Variants in COL21A1 observed in about 807,000 individuals in gnomAD.
COL21A1 encodes collagen alpha-1(XXI) chain.
COL21A1 carries 149 observed loss-of-function variants against 137.9 expected under a neutral mutation model. The ratio of observed to expected loss-of-function variants is 1.08; its 90% CI spans 0.95 to 1.24. The LOEUF (loss-of-function observed/expected upper bound fraction) is 1.24. Among genes scored for constraint, COL21A1 ranks in the 50% most tolerant of loss-of-function variants. The pLI, the probability that COL21A1 is intolerant of heterozygous loss-of-function variation, is 0.00. For missense variants in COL21A1, 1,167 were observed against 1,158.4 expected (o/e 1.01, Z -0.11); for synonymous variants, 456 against 391.5 (o/e 1.16, Z -1.95).
chr6:56,340,622 CAG>C (rs57923235), intron 1 of COL21A1, among the ~76,000 whole-genome samples: 100,346 of 151,762 alleles, frequency 0.66, 33,386 homozygotes, highest in South Asian at 0.81. Flanking sequence ...CCTTTAAATT[CAG>C]AGATTCTCTG....
chr6:56,193,307 T>C (rs550619447), intron 1 of COL21A1, among the ~76,000 whole-genome samples: 1 of 151,886 alleles, frequency 6.6e-6, no homozygotes, highest in Non-Finnish European at 1.5e-5. Context: ...ACTTAAAGTA[T>C]AATAAAAAAT....
At chr6:56,234,204 G>C (rs1478857811) in intron 1 of COL21A1, among the ~76,000 whole-genome samples, 1 of 151,720 alleles carries the variant, frequency 6.6e-6, no homozygotes, top group Non-Finnish European at 1.5e-5. Flanking sequence ...ATTTGAAATT[G>C]TGTTTTTTAA....
rs1189286085 is a variant in COL21A1, at chr6:56,180,181, AGG to A, written c.89-54_89-53del. The A allele has an allele frequency of 4.3e-6, 6 of 1,401,182 alleles. No individual in the cohort carries two copies. The African/African-American group carries it at 8.7e-5, about 20-fold the overall frequency. The allele number at this position is 1,401,182 out of a possible 1,614,324, so 86.8% of individuals were successfully genotyped here. A position where few individuals can be genotyped will look rare whatever the true frequency, so the allele number is the denominator to read the frequency against. ...CACATCTTTTATATAAAAAGCAAAA[AGG>A]GAGAGATTTTAAATATATGAGTTTC... On this transcript the variant is annotated intron_variant, in intron 2 of 29. Coordinates refer to ENST00000244728, the MANE Select transcript of COL21A1 (RefSeq NM_030820.4).
chr6:56,277,010 T>TGGGTTTTC (rs1763680173), intron 1 of COL21A1, among the ~76,000 whole-genome samples: 1 of 151,870 alleles, frequency 6.6e-6, no homozygotes, highest in Non-Finnish European at 1.5e-5. Flanking sequence ...TTAGTAGAGA[T>TGGGTTTTC]GGGTTTTCAC....
At chr6:56,119,831 G>A (rs556372534) in intron 16 of COL21A1, among the ~76,000 whole-genome samples, 1 of 152,118 alleles carries the variant, frequency 6.6e-6, no homozygotes, top group East Asian at 1.9e-4. Context: ...TCAAGAAATG[G>A]TGCTAGGAAC....
intron 1 of COL21A1, among the ~76,000 whole-genome samples, chr6:56,231,782 C>A (rs1017060533): frequency 1.3e-5 from 2 of 151,626 alleles, no homozygotes; most frequent in Non-Finnish European, 2.9e-5. Flanking sequence ...ATCGCTAGTT[C>A]TATTACTTTT....
chr6:56,277,023 T>C lies in COL21A1; in HGVS notation c.-38-94367A>G, dbSNP rs569006732. 3.3e-5 allele frequency among the ~76,000 whole-genome samples: 5 copies of C among 152,026 alleles called. No homozygotes were observed. In the South Asian group the frequency reaches 8.3e-4, roughly 25 times the overall value. ...TTTTAGTAGAGATGGGTTTTCACAGTGTTAGCCAGGATGGTCTCAATCTCC... is the reference window on the plus strand; with the variant it reads ...TTTTAGTAGAGATGGGTTTTCACAGCGTTAGCCAGGATGGTCTCAATCTCC... On this transcript the variant is annotated intron_variant, in intron 1 of 28. Coordinates refer to the COL21A1 transcript ENST00000370819.
intron 1 of COL21A1, among the ~76,000 whole-genome samples, chr6:56,316,927 T>C (rs1424459614): frequency 6.6e-6 from 1 of 152,184 alleles, no homozygotes; most frequent in Non-Finnish European, 1.5e-5. Context: ...CTGGGGCATA[T>C]TTCTTCTGCT....
chr6:56,196,508 A>C (rs1269211054), intron 1 of COL21A1, among the ~76,000 whole-genome samples: 1 of 152,166 alleles, frequency 6.6e-6, no homozygotes, highest in Non-Finnish European at 1.5e-5. Context: ...AAGTACATAC[A>C]ATAAACTTGT....
intron 1 of COL21A1, among the ~76,000 whole-genome samples, chr6:56,265,368 G>A (rs1237779480): frequency 6.6e-6 from 1 of 152,154 alleles, no homozygotes; most frequent in African/African-American, 2.4e-5. Flanking sequence ...AATCACTAGG[G>A]TCTGGTCAGT....
intron 1 of COL21A1, among the ~76,000 whole-genome samples, chr6:56,186,594 A>G (rs571043761): frequency 1.3e-5 from 2 of 152,344 alleles, no homozygotes; most frequent in South Asian, 4.1e-4. Flanking sequence ...GATAATCTAC[A>G]TAGAAAGTGG....
At chr6:56,134,121 CCA>C (rs916798503) in intron 12 of COL21A1, among the ~76,000 whole-genome samples, 1 of 151,724 alleles carries the variant, frequency 6.6e-6, no homozygotes, top group African/African-American at 2.4e-5. Context: ...CCTGGAAAAA[CCA>C]CAGACACTCA....
At chr6:56,177,926 T>C (rs936149622) in intron 3 of COL21A1, among the ~76,000 whole-genome samples, 5 of 152,172 alleles carry the variant, frequency 3.3e-5, no homozygotes, top group Admixed American at 2.0e-4. Flanking sequence ...AAATTATTTA[T>C]ATCTTTTCGA....
chr6:56,076,872 A>T (rs995815504), intron 18 of COL21A1, among the ~76,000 whole-genome samples: 2 of 151,550 alleles, frequency 1.3e-5, no homozygotes. Context: ...AGAGCAAAGA[A>T]GCAAACTGAA....
chr6:56,274,791 C>G (rs553109253), intron 1 of COL21A1, among the ~76,000 whole-genome samples: 1 of 152,054 alleles, frequency 6.6e-6, no homozygotes, highest in Admixed American at 6.6e-5. Flanking sequence ...AATGGCCATA[C>G]TGTCCAAAGC....
intron 1 of COL21A1, among the ~76,000 whole-genome samples, chr6:56,301,884 T>A (rs988028326): frequency 4.0e-5 from 6 of 150,136 alleles, no homozygotes; most frequent in Middle Eastern, 3.4e-3. Flanking sequence ...CAGGCCCCGG[T>A]GTGTGATGTT....
intron 1 of COL21A1, among the ~76,000 whole-genome samples, chr6:56,208,993 T>A (rs1026489783): frequency 2.0e-5 from 3 of 152,070 alleles, no homozygotes; most frequent in Non-Finnish European, 4.4e-5. Flanking sequence ...TGAAACTGGA[T>A]CCATTCCTTA....
At chr6:56,163,174 G>A (rs1243068398) in intron 9 of COL21A1, among the ~76,000 whole-genome samples, 2 of 152,096 alleles carry the variant, frequency 1.3e-5, no homozygotes, top group African/African-American at 4.8e-5. Flanking sequence ...TGAACATTAC[G>A]ATTCATATTT....
chr6:56,057,518 T>C lies in COL21A1; in HGVS notation c.*139A>G. 1 of 782,022 alleles carries C rather than the reference T, an allele frequency of 1.3e-6. No individual in the cohort carries two copies. Among genetic ancestry groups the C allele is most frequent in the Non-Finnish European group, 2.1e-6 (1 of 482,964 alleles). The allele number at this position is 782,022 out of a possible 1,614,324, so 48.4% of individuals were successfully genotyped here. A position where few individuals can be genotyped will look rare whatever the true frequency, so the allele number is the denominator to read the frequency against. On this transcript the variant is annotated 3_prime_UTR_variant, in exon 30 of 30. Transcript: ENST00000244728. ...ATCAGTATATGTGATCTTTTATATT[T>C]TTTTCCATAAGAAAAAAAAAATAAA...
Sources: gnomAD v4.1 joint callset for allele counts (sites outside exome capture counted in the v4.1 genomes callset) on GRCh38, gnomAD v4.1.1 for gene constraint, MANE v1.5 for transcripts, NCBI Gene and HGNC (gene_info 2026-07-23, HGNC 2026-07-21) for gene names.